Variants in BDNF observed in about 807,000 individuals in gnomAD.
BDNF encodes the protein neurotrophic factor BDNF precursor form.
A neutral mutation model predicts 19.5 loss-of-function variants in BDNF; 1 was observed. The ratio of observed to expected loss-of-function variants is 0.05; its 90% CI spans 0.02 to 0.24. BDNF has a LOEUF of 0.24. Ranked by LOEUF, BDNF falls within the 10% of genes least tolerant of loss-of-function variation. The pLI is 1.00. For missense variants in BDNF, 195 were observed against 317.6 expected (o/e 0.61, Z 2.93); for synonymous variants, 100 against 121.6 (o/e 0.82, Z 1.17).
At chr11:27,697,761 TTAAAA>T (rs1241320653) in intron 1 of BDNF, 2 of 152,154 alleles carry the variant, frequency 1.3e-5, no homozygotes, top group African/African-American at 2.4e-5. Flanking sequence ...AAATATCACC[TTAAAA>T]TAAAGGAAAC....
intron 1 of BDNF, among the ~76,000 whole-genome samples, chr11:27,696,928 T>C (rs551901243): frequency 6.6e-6 from 1 of 152,330 alleles, no homozygotes; most frequent in African/African-American, 2.4e-5. Context: ...TGTCTGTTTT[T>C]ATTCAGGAAG....
intron 1 of BDNF, among the ~76,000 whole-genome samples, chr11:27,672,581 C>A (rs1045016621): frequency 2.0e-5 from 3 of 152,028 alleles, no homozygotes; most frequent in African/African-American, 7.2e-5. Flanking sequence ...AAACGAAACT[C>A]GCAAAATAAT....
At chr11:27,712,059 C>G (rs1170987506) in intron 1 of BDNF, among the ~76,000 whole-genome samples, 4 of 152,172 alleles carry the variant, frequency 2.6e-5, no homozygotes, top group African/African-American at 9.7e-5. Context: ...AGTATTTGGT[C>G]CTTTCCCCAC....
chr11:27,666,872 C>T (rs910181493), intron 1 of BDNF, among the ~76,000 whole-genome samples: 1 of 152,102 alleles, frequency 6.6e-6, no homozygotes, highest in Non-Finnish European at 1.5e-5. Flanking sequence ...AGAACTTCCC[C>T]AATCTAGTGA....
upstream of BDNF, chr11:27,701,426 A>C (rs1859889614): frequency 9.6e-7 from 1 of 1,040,698 alleles, no homozygotes; most frequent in Admixed American, 4.9e-5. Context: ...AGGGGGCGCG[A>C]GTCTTTGGTG....
intron 1 of BDNF, among the ~76,000 whole-genome samples, chr11:27,690,816 G>A (rs1049728755): frequency 6.6e-6 from 1 of 151,760 alleles, no homozygotes; most frequent in Non-Finnish European, 1.5e-5. Flanking sequence ...AGTTTTTTTA[G>A]GGGGAAACAC....
intron 1 of BDNF, among the ~76,000 whole-genome samples, chr11:27,684,190 G>T (rs184644315): frequency 6.6e-6 from 1 of 152,038 alleles, no homozygotes; most frequent in African/African-American, 2.4e-5. Flanking sequence ...GTTCACTCAT[G>T]ACTTGGCTGT....
upstream of BDNF, among the ~76,000 whole-genome samples, chr11:27,701,789 G>T (rs1414684100): frequency 6.6e-6 from 1 of 152,212 alleles, no homozygotes; most frequent in South Asian, 2.1e-4. Flanking sequence ...CCGTTCCAGG[G>T]CATTGCATGC....
intron 1 of BDNF, among the ~76,000 whole-genome samples, chr11:27,682,812 T>C (rs989121358): frequency 1.3e-5 from 2 of 152,222 alleles, no homozygotes; most frequent in African/African-American, 4.8e-5. Context: ...CTATCATTGA[T>C]GGGCATTCGG....
rs529313241 is a variant in BDNF at position 27,671,215 on chromosome 11, G to C, written c.-21-12630C>G. Among the ~76,000 whole-genome samples, 3 of 152,046 alleles carry C rather than the reference G, an allele frequency of 2.0e-5. No homozygotes were observed. In the East Asian group the frequency reaches 5.8e-4, roughly 29 times the overall value. On this transcript the variant is annotated intron_variant, in intron 1 of 1. Coordinates refer to ENST00000356660, the MANE Select transcript of BDNF (RefSeq NM_001709.5). The stretch of plus-strand genomic sequence containing the variant: ...GAGATATACCTAATGTAAATGACGA[G>C]TTAATGGGTGCAGCACACCAACATG...
At chr11:27,692,368 G>T (rs1245271094) in intron 1 of BDNF, among the ~76,000 whole-genome samples, 3 of 151,862 alleles carry the variant, frequency 2.0e-5, no homozygotes, top group Admixed American at 1.3e-4. Context: ...CTCCAACGGG[G>T]TCTCACTCTG....
At chr11:27,716,269 C>A (rs1163821616) in intron 1 of BDNF, among the ~76,000 whole-genome samples, 1 of 151,656 alleles carries the variant, frequency 6.6e-6, no homozygotes, top group Non-Finnish European at 1.5e-5. Flanking sequence ...TTCTTTAAGA[C>A]CTCTATTTCC....
intron 1 of BDNF, among the ~76,000 whole-genome samples, chr11:27,661,316 C>G (rs1463214726): frequency 6.6e-6 from 1 of 152,186 alleles, no homozygotes; most frequent in African/African-American, 2.4e-5. Flanking sequence ...TATCTCCTAC[C>G]TTTTCTAACA....
chr11:27,713,518 A>T (rs1326994416), intron 1 of BDNF, among the ~76,000 whole-genome samples: 8 of 152,142 alleles, frequency 5.3e-5, no homozygotes. Flanking sequence ...TTTTTTCCCC[A>T]CAGTAACCTT....
At chr11:27,720,757 CTAAT>C (rs979555776) in intron 1 of BDNF, 68 of 986,164 alleles carry the variant, frequency 6.9e-5, no homozygotes, top group Non-Finnish European at 7.7e-5. Context: ...TTAAAAATCT[CTAAT>C]TAAGTGATAC....
At chr11:27,700,474 A>G (rs1324463654), upstream of BDNF, 6 of 980,858 alleles carry the variant, frequency 6.1e-6, no homozygotes, top group South Asian at 2.4e-4. Flanking sequence ...CCCGGGTCAG[A>G]CATTATTTAG....
chr11:27,697,409 C>A (rs937985944), intron 1 of BDNF: 1 of 152,150 alleles, frequency 6.6e-6, no homozygotes, highest in African/African-American at 2.4e-5. Context: ...TTTCATGGCG[C>A]CCCTTTTAAA....
intron 1 of BDNF, among the ~76,000 whole-genome samples, chr11:27,686,602 A>G (rs1005015675): frequency 7.2e-5 from 11 of 152,154 alleles, no homozygotes; most frequent in African/African-American, 2.4e-4. Flanking sequence ...GGTGGTGACA[A>G]AATCTCTCAG....
chr11:27,699,616 C>T (rs1859649409), intron 1 of BDNF: 2 of 1,459,472 alleles, frequency 1.4e-6, no homozygotes, highest in Non-Finnish European at 1.8e-6. Flanking sequence ...ACATTGGCTT[C>T]GGACTTGTAA....
Sources: gnomAD v4.1 joint callset for allele counts (sites outside exome capture counted in the v4.1 genomes callset) on GRCh38, gnomAD v4.1.1 for gene constraint, MANE v1.5 for transcripts, NCBI Gene and HGNC (gene_info 2026-07-23, HGNC 2026-07-21) for gene names.